Variants in MLLT3 observed in about 807,000 individuals in gnomAD.
MLLT3 encodes protein AF-9.
A neutral mutation model predicts 53.2 loss-of-function variants in MLLT3; 4 were observed. The ratio of observed to expected loss-of-function variants is 0.08; its 90% CI spans 0.04 to 0.17. The LOEUF (loss-of-function observed/expected upper bound fraction) is 0.17. MLLT3 is among the 10% of genes least tolerant of loss of function. The pLI is 1.00. For missense variants in MLLT3, 569 were observed against 684.0 expected (o/e 0.83, Z 1.87); for synonymous variants, 283 against 230.6 (o/e 1.23, Z -2.06).
chr9:20,374,416 T>C (rs777628724), intron 5 of MLLT3, among the ~76,000 whole-genome samples: 2 of 152,158 alleles, frequency 1.3e-5, no homozygotes, highest in Admixed American at 6.5e-5. Context: ...TGCCAAACAA[T>C]TGTGGAAAAA....
chr9:20,618,044 G>T (rs2131215982), intron 2 of MLLT3, among the ~76,000 whole-genome samples: 1 of 152,226 alleles, frequency 6.6e-6, no homozygotes, highest in East Asian at 1.9e-4. Context: ...TCAGTCCTAA[G>T]GCTCATCTCT....
At chr9:20,392,555 CTT>C (rs1381435877) in intron 5 of MLLT3, among the ~76,000 whole-genome samples, 6 of 152,252 alleles carry the variant, frequency 3.9e-5, no homozygotes, top group African/African-American at 1.4e-4. Context: ...AATGAAGAAA[CTT>C]ATATTTATCT....
At chr9:20,429,202 T>TA (rs1422316960) in intron 4 of MLLT3, among the ~76,000 whole-genome samples, 2 of 151,960 alleles carry the variant, frequency 1.3e-5, no homozygotes, top group African/African-American at 2.4e-5. Context: ...ACCCCACTGC[T>TA]AAAAAAGATT....
intron 2 of MLLT3, among the ~76,000 whole-genome samples, chr9:20,482,083 C>A (rs1461886579): frequency 1.3e-5 from 2 of 152,190 alleles, no homozygotes; most frequent in Admixed American, 1.3e-4. Flanking sequence ...GAAAGCCTGT[C>A]AAAAGCTAGA....
At chr9:20,396,160 G>GTTT (rs397779919) in intron 5 of MLLT3, among the ~76,000 whole-genome samples, 1 of 148,818 alleles carries the variant, frequency 6.7e-6, no homozygotes, top group South Asian at 2.1e-4. Context: ...TATTTTCAGG[G>GTTT]TTTTTTTTTT....
chr9:20,456,330 G>C (rs746419413), intron 3 of MLLT3, among the ~76,000 whole-genome samples: 2 of 152,108 alleles, frequency 1.3e-5, no homozygotes, highest in Admixed American at 6.5e-5. Context: ...GATAAAATGA[G>C]AGTATTCTTT....
At chr9:20,564,704 T>C in intron 2 of MLLT3, among the ~76,000 whole-genome samples, 1 of 152,148 alleles carries the variant, frequency 6.6e-6, no homozygotes, top group East Asian at 1.9e-4. Flanking sequence ...GCCAATTAGT[T>C]CCGCAACTAT....
At chr9:20,545,157 T>C (rs541273512) in intron 2 of MLLT3, among the ~76,000 whole-genome samples, 4 of 129,114 alleles carry the variant, frequency 3.1e-5, no homozygotes, top group African/African-American at 1.2e-4. Context: ...AGCCAAGAGG[T>C]AGGAGGAGCA....
intron 4 of MLLT3, among the ~76,000 whole-genome samples, chr9:20,427,614 T>TA (rs1018402528): frequency 7.9e-5 from 12 of 151,850 alleles, no homozygotes; most frequent in Admixed American, 4.6e-4. Context: ...ATAATATACA[T>TA]AAATTAAAAG....
chr9:20,414,107 T>C lies in MLLT3; in HGVS notation c.739A>G (p.Ile247Val), dbSNP rs1822802025. The C allele has an allele frequency of 2.5e-6, 4 of 1,613,692 alleles. No homozygotes were observed. The highest frequency in any genetic ancestry group is 4.5e-5 in the East Asian group (2 of 44,896). The change falls in exon 5 of 11, where the codon ATA becomes GTA. Residue 247 changes from isoleucine to valine, a missense_variant. By Grantham distance (29) the Ile-to-Val change is conservative. Coordinates refer to ENST00000380338, the MANE Select transcript of MLLT3 (RefSeq NM_004529.4). ...KENKPLKEEK[I>V]VPKMAFKEPK... is the part of the protein sequence containing the mutation. ...TCCTTGAAGGCCATCTTAGGAACTA[T>C]TTTCTCTTCTTTCAGTGGTTTATTT...
At chr9:20,479,178 T>C (rs1395232362) in intron 2 of MLLT3, among the ~76,000 whole-genome samples, 1 of 152,166 alleles carries the variant, frequency 6.6e-6, no homozygotes. Context: ...GTTTCTAATA[T>C]GACATAATCC....
Position 20,620,440 on chromosome 9 carries a change from C to T in MLLT3, c.193+214G>A, listed in dbSNP as rs577031415. On this transcript the variant is annotated intron_variant, in intron 2 of 10. Coordinates refer to ENST00000380338, the MANE Select transcript of MLLT3 (RefSeq NM_004529.4). The surrounding 1 kb of genome is among the most constrained non-coding windows in gnomAD (Gnocchi z 6.1). ...GAATAAACACTCGACACCTGACGGT[C>T]CTTTCTCTGCGGTGACTTTCACCAA... 6.6e-6 allele frequency among the ~76,000 whole-genome samples: 1 copy of T among 151,536 alleles called. No homozygotes were observed. Among genetic ancestry groups the T allele is most frequent in the South Asian group, 2.1e-4 (1 of 4,820 alleles).
At chr9:20,556,368 A>G (rs1311228589) in intron 2 of MLLT3, among the ~76,000 whole-genome samples, 3 of 152,190 alleles carry the variant, frequency 2.0e-5, no homozygotes, top group Non-Finnish European at 4.4e-5. Context: ...TAAAACATGA[A>G]CATGTATTAT....
chr9:20,388,404 T>C lies in MLLT3; in HGVS notation c.1126-22660A>G, dbSNP rs922287166. Among the ~76,000 whole-genome samples the C allele has an allele frequency of 1.1e-4, 16 of 152,076 alleles. No homozygotes were observed. The South Asian group carries it at 2.5e-3, about 24-fold the overall frequency. On this transcript the variant is annotated intron_variant, in intron 5 of 10. Transcript: ENST00000380338. ...GAGATCAAGACCACCCTGGCTAACATGGTGAAACCCCGTCTCTACTAAAAA... is the reference window on the plus strand; with the variant it reads ...GAGATCAAGACCACCCTGGCTAACACGGTGAAACCCCGTCTCTACTAAAAA...
At chr9:20,363,789 T>C (rs1221371663) in intron 6 of MLLT3, among the ~76,000 whole-genome samples, 184 bp from the exon 7 acceptor site, 1 of 152,220 alleles carries the variant, frequency 6.6e-6, no homozygotes, top group African/African-American at 2.4e-5. Context: ...AAAACACTAT[T>C]GTTTTCATAA....
At chr9:20,435,635 G>A (rs567664110) in intron 4 of MLLT3, among the ~76,000 whole-genome samples, 8 of 152,300 alleles carry the variant, frequency 5.3e-5, no homozygotes, top group African/African-American at 1.9e-4. Flanking sequence ...TCCGAGCTAT[G>A]TAGGCAGAAA....
At chr9:20,521,853 T>A (rs150153020) in intron 2 of MLLT3, among the ~76,000 whole-genome samples, 2 of 152,322 alleles carry the variant, frequency 1.3e-5, no homozygotes, top group Non-Finnish European at 2.9e-5. Context: ...AATATTCTCA[T>A]TCTATTTATC....
intron 2 of MLLT3, among the ~76,000 whole-genome samples, chr9:20,474,327 C>G (rs1477077405): frequency 6.6e-6 from 1 of 151,912 alleles, no homozygotes; most frequent in East Asian, 1.9e-4. Flanking sequence ...AACAGAACAC[C>G]CTGGAAATTA....
Position 20,603,496 on chromosome 9 carries a change from G to A in MLLT3, c.193+17158C>T, listed in dbSNP as rs75802176. On this transcript the variant is annotated intron_variant, in intron 2 of 10. Transcript: ENST00000380338. The stretch of plus-strand genomic sequence containing the variant: ...ATACAACAAAATTCTCAATGTGAGT[G>A]ATAAAAATGCATTAAAAGTAACCCT... Among the ~76,000 whole-genome samples, 1,513 of 152,142 alleles carry A rather than the reference G, an allele frequency of 9.9e-3. 62 individuals carry two copies. The East Asian group carries it at 0.14, about 14-fold the overall frequency.
Sources: gnomAD v4.1 joint callset for allele counts (sites outside exome capture counted in the v4.1 genomes callset) on GRCh38, gnomAD v4.1.1 for gene constraint, Gnocchi (gnomAD v3.1) non-coding constraint, MANE v1.5 for transcripts, NCBI Gene and HGNC (gene_info 2026-07-23, HGNC 2026-07-21) for gene names.